Variants in XKR4 observed in about 807,000 individuals in gnomAD.
XKR4 encodes XK related 4.
XKR4 carries 12 observed loss-of-function variants against 53.9 expected under a neutral mutation model. The observed-to-expected ratio is 0.22, with a 90% CI of 0.14 to 0.36. The LOEUF is 0.36. Ranked by LOEUF, XKR4 falls within the 10% of genes least tolerant of loss-of-function variation. The pLI is 1.00. For missense variants in XKR4, 799 were observed against 859.5 expected (o/e 0.93, Z 0.88); for synonymous variants, 354 against 362.4 (o/e 0.98, Z 0.26).
intron 1 of XKR4, among the ~76,000 whole-genome samples, chr8:55,154,618 A>G (rs961075353): frequency 1.3e-5 from 2 of 152,138 alleles, no homozygotes; most frequent in Admixed American, 6.5e-5. Flanking sequence ...CTTTGACAAC[A>G]TTCTTTGTAT....
rs140979825 is a variant in XKR4, at chr8:55,267,794, A to G, written c.807-89884A>G. Among the ~76,000 whole-genome samples, 326 of 152,246 alleles carry G rather than the reference A, an allele frequency of 2.1e-3. 2 individuals carry two copies. The highest frequency in any genetic ancestry group is 6.8e-3 in the Middle Eastern group (2 of 292). On this transcript the variant is annotated intron_variant, in intron 1 of 2. Transcript: ENST00000327381. ...GATTACTCTCTGAACTTAAGGATAG[A>G]CTCATCTAAGAGCTTCTTCCATCCT...
Position 55,102,452 on chromosome 8 carries a change from C to A in XKR4, c.-37C>A, listed in dbSNP as rs767432504. The stretch of plus-strand genomic sequence containing the variant: ...AGGAGGAGACAGCGGGGAAAGGTGT[C>A]AGATAAAGGAGGGCTCTCCTCCGGT... On this transcript the variant is annotated 5_prime_UTR_variant, in exon 1 of 3. Transcript: ENST00000327381. The surrounding 1 kb of genome is among the most constrained non-coding windows in gnomAD (Gnocchi z 5.1). The A allele has an allele frequency of 1.3e-6, 2 of 1,528,074 alleles. No individual in the cohort carries two copies. Among genetic ancestry groups the A allele is most frequent in the South Asian group, 2.3e-5 (2 of 85,960 alleles). 94.7% of individuals were successfully genotyped at this position (1,528,074 alleles called of 1,614,324 possible).
In XKR4 at chr8:55,452,564, C is replaced by T. The variant is rs1041418281; in HGVS notation, c.1007-70717C>T. 2.3e-5 allele frequency: 18 copies of T among 772,278 alleles called. No homozygotes were observed. The Admixed American group carries it at 3.2e-4, about 14-fold the overall frequency. The allele number at this position is 772,278 out of a possible 1,614,324, so 47.8% of individuals were successfully genotyped here. Reference sequence around the variant, plus strand: ...GCTTGGGTTTCTAGATGGGCATCAGCCTCCGGTTCTCCCGCTGCACCGCCT... The same window carrying T: ...GCTTGGGTTTCTAGATGGGCATCAGTCTCCGGTTCTCCCGCTGCACCGCCT... On this transcript the variant is annotated intron_variant, in intron 2 of 2. Coordinates refer to ENST00000327381, the MANE Select transcript of XKR4 (RefSeq NM_052898.2).
intron 1 of XKR4, among the ~76,000 whole-genome samples, chr8:55,168,243 G>A (rs1817097454): frequency 6.6e-6 from 1 of 152,154 alleles, no homozygotes; most frequent in African/African-American, 2.4e-5. Context: ...GTGGGACCCT[G>A]AGTAGAAGAG....
intron 1 of XKR4, among the ~76,000 whole-genome samples, chr8:55,155,730 A>G (rs1187180802): frequency 1.3e-5 from 2 of 152,186 alleles, no homozygotes; most frequent in Non-Finnish European, 2.9e-5. Flanking sequence ...TACCCACCCG[A>G]ATCAAAAATA....
At chr8:55,184,384 T>G (rs912143679) in intron 1 of XKR4, among the ~76,000 whole-genome samples, 1 of 152,202 alleles carries the variant, frequency 6.6e-6, no homozygotes, top group Non-Finnish European at 1.5e-5. Context: ...GATTTGAAAA[T>G]CTCTGTGTTT....
intron 1 of XKR4, among the ~76,000 whole-genome samples, chr8:55,219,325 G>T (rs1817849661): frequency 1.3e-5 from 2 of 152,152 alleles, no homozygotes; most frequent in Admixed American, 1.3e-4. Context: ...CTGGATGTTT[G>T]CAGTTCATGC....
chr8:55,470,972 T>A (rs887281558), intron 2 of XKR4, among the ~76,000 whole-genome samples: 5 of 152,136 alleles, frequency 3.3e-5, no homozygotes, highest in Non-Finnish European at 7.3e-5. Flanking sequence ...TGTGGCACCA[T>A]CAGGACATTT....
rs1175270981 is a variant in XKR4, at chr8:55,102,719, G to GGGCGGCTCC, written c.238_246dup (p.Ser80_Gly82dup). 2.6e-6 allele frequency: 3 copies of GGGCGGCTCC among 1,157,218 alleles called. No homozygotes were observed. The highest frequency in any genetic ancestry group is 3.2e-6 in the Non-Finnish European group (3 of 939,636). 71.7% of individuals were successfully genotyped at this position (1,157,218 alleles called of 1,614,324 possible). A position where few individuals can be genotyped will look rare whatever the true frequency, so the allele number is the denominator to read the frequency against. Reference sequence around the variant, plus strand: ...CCGGGAGTGGCGGCTCCGCGGGCTCGGGCGGCTCCGGCGGCGTCGCCGGCC... The same window carrying GGGCGGCTCC: ...CCGGGAGTGGCGGCTCCGCGGGCTCGGGCGGCTCCGGCGGCTCCGGCGGCGTCGCCGGCC... On this transcript the variant is annotated inframe_insertion, in exon 1 of 3. Coordinates refer to ENST00000327381, the MANE Select transcript of XKR4 (RefSeq NM_052898.2). This position sits in a 1 kb window ranked among gnomAD's most constrained non-coding sequence, Gnocchi z 5.1.
At chr8:55,449,868 A>G in intron 2 of XKR4, 1 of 967,006 alleles carries the variant, frequency 1.0e-6, no homozygotes, top group South Asian at 1.3e-5. Flanking sequence ...AACTGGCTGT[A>G]AGGGTGCTGG....
intron 1 of XKR4, among the ~76,000 whole-genome samples, chr8:55,257,095 G>T (rs570498754): frequency 6.6e-6 from 1 of 152,024 alleles, no homozygotes; most frequent in Non-Finnish European, 1.5e-5. Context: ...ATCACATTGC[G>T]TATTAGGTTC....
intron 2 of XKR4, among the ~76,000 whole-genome samples, chr8:55,443,097 A>G (rs910734469): frequency 1.3e-5 from 2 of 152,230 alleles, no homozygotes; most frequent in Non-Finnish European, 2.9e-5. Flanking sequence ...TTTTATAGGT[A>G]AGAAAGTGAA....
chr8:55,289,862 A>AAGAG (rs1410451185), intron 1 of XKR4, among the ~76,000 whole-genome samples: 1 of 16,376 alleles, frequency 6.1e-5, no homozygotes, highest in African/African-American at 7.4e-5. Flanking sequence ...GAAAGAAAGA[A>AAGAG]AGAAAGAAAG....
At chr8:55,163,372 C>T (rs1383322766) in intron 1 of XKR4, among the ~76,000 whole-genome samples, 1 of 152,188 alleles carries the variant, frequency 6.6e-6, no homozygotes, top group African/African-American at 2.4e-5. Flanking sequence ...AGAGAAAATA[C>T]AGAAGCAAGT....
chr8:55,207,597 T>C (rs1298861779), intron 1 of XKR4, among the ~76,000 whole-genome samples: 1 of 152,032 alleles, frequency 6.6e-6, no homozygotes, highest in Admixed American at 6.6e-5. Flanking sequence ...TCTTGCAAAA[T>C]GTGAATGTCA....
At chr8:55,212,867 A>G (rs112768713) in intron 1 of XKR4, among the ~76,000 whole-genome samples, 1 of 152,224 alleles carries the variant, frequency 6.6e-6, no homozygotes, top group Admixed American at 6.5e-5. Flanking sequence ...ATAGCTATAC[A>G]TTAAAGAGTA....
intron 2 of XKR4, among the ~76,000 whole-genome samples, chr8:55,417,827 GATC>G (rs1804871862): frequency 6.6e-6 from 1 of 152,160 alleles, no homozygotes; most frequent in Non-Finnish European, 1.5e-5. Flanking sequence ...TAGTTGGGGA[GATC>G]ATCACCACAG....
intron 2 of XKR4, among the ~76,000 whole-genome samples, chr8:55,420,059 C>G (rs1804902170): frequency 6.6e-6 from 1 of 152,130 alleles, no homozygotes; most frequent in Non-Finnish European, 1.5e-5. Flanking sequence ...AGTACTATGA[C>G]AAACATAGAA....
intron 2 of XKR4, among the ~76,000 whole-genome samples, chr8:55,358,485 C>A (rs1281311576): frequency 6.6e-6 from 1 of 152,064 alleles, no homozygotes; most frequent in African/African-American, 2.4e-5. Context: ...AGATTAATAT[C>A]TTTGTGCTTT....
Sources: allele counts gnomAD v4.1 joint callset (sites outside exome capture counted in the v4.1 genomes callset), GRCh38; gene constraint gnomAD v4.1.1; non-coding constraint Gnocchi (gnomAD v3.1); transcripts MANE v1.5; gene names NCBI Gene and HGNC (gene_info 2026-07-23, HGNC 2026-07-21).